The following NDRG1 variants were observed in gnomAD, a reference collection of about 807,000 sequenced individuals.
NDRG1 encodes protein NDRG1.
In NDRG1, 32 loss-of-function variants were observed where a neutral mutation model predicts 56.9. That is an observed-to-expected ratio of 0.56 (90% CI 0.42 to 0.76). The LOEUF (loss-of-function observed/expected upper bound fraction) is 0.76, where lower values mean the gene tolerates loss of function less well. NDRG1 is among the 30% of genes least tolerant of loss of function. The probability of loss-of-function intolerance (pLI) is 0.00; values close to 1 mark genes in which losing one functional copy is unlikely to be tolerated. For missense variants in NDRG1, 507 were observed against 545.7 expected (o/e 0.93, Z 0.71); for synonymous variants, 211 against 204.1 (o/e 1.03, Z -0.29).
intron 1 of NDRG1, among the ~76,000 whole-genome samples, chr8:133,290,345 A>G (rs1858362744): frequency 6.6e-6 from 1 of 152,144 alleles, no homozygotes; most frequent in Admixed American, 6.5e-5. Flanking sequence ...CAGCACCAGG[A>G]ACAGTATCTG....
chr8:133,249,134 G>A (rs1043585495), intron 10 of NDRG1, among the ~76,000 whole-genome samples: 1 of 152,100 alleles, frequency 6.6e-6, no homozygotes, highest in Non-Finnish European at 1.5e-5. Flanking sequence ...AAATGCTCTC[G>A]CAGCCTCTTA....
At chr8:133,249,279 G>A (rs978392886) in intron 10 of NDRG1, 1 of 211,298 alleles carries the variant, frequency 4.7e-6, no homozygotes. Flanking sequence ...GTGAGGCCCA[G>A]TGTGGGTCCA....
intron 9 of NDRG1, 99 bp from the exon 10 acceptor site, chr8:133,250,642 GATA>G (rs2130699273): frequency 2.9e-6 from 3 of 1,026,076 alleles, no homozygotes; most frequent in Non-Finnish European, 4.6e-6. Context: ...ACAAAGTAAA[GATA>G]ATAATGCCTA....
intron 9 of NDRG1, among the ~76,000 whole-genome samples, chr8:133,253,262 G>C (rs1251852563): frequency 6.6e-6 from 1 of 152,198 alleles, no homozygotes; most frequent in Non-Finnish European, 1.5e-5. Flanking sequence ...CCCCTTTAGT[G>C]GGGTAACTCT....
chr8:133,250,591 G>T, intron 9 of NDRG1, 48 bp from the exon 10 acceptor site: 1 of 1,471,360 alleles, frequency 6.8e-7, no homozygotes, highest in Non-Finnish European at 9.5e-7. Flanking sequence ...CTGTGGCCCT[G>T]AGCTGGTCAC....
intron 3 of NDRG1, among the ~76,000 whole-genome samples, chr8:133,272,074 C>A (rs1015111602): frequency 6.6e-6 from 1 of 152,190 alleles, no homozygotes; most frequent in East Asian, 1.9e-4. Context: ...AATGGAAGAC[C>A]TTCAAGAGGT....
intron 3 of NDRG1, among the ~76,000 whole-genome samples, chr8:133,278,225 T>G (rs1399688509): frequency 6.6e-6 from 1 of 152,172 alleles, no homozygotes; most frequent in Non-Finnish European, 1.5e-5. Context: ...GCCATGGTGC[T>G]GGTGCCACAG....
At chr8:133,249,466 G>T (rs1370335682) in intron 10 of NDRG1, 1 of 155,550 alleles carries the variant, frequency 6.4e-6, no homozygotes, top group African/African-American at 2.4e-5. Flanking sequence ...ATCTCTTTGC[G>T]CCTTTGCTTC....
At chr8:133,252,540 T>A (rs1564285474) in intron 9 of NDRG1, among the ~76,000 whole-genome samples, 2 of 151,558 alleles carry the variant, frequency 1.3e-5, no homozygotes, top group Non-Finnish European at 2.9e-5. Flanking sequence ...AACTCCAGAG[T>A]GGGGTCTCTG....
rs760921567 is a variant in NDRG1 at position 133,256,858 on chromosome 8, G to C, written c.456C>G (p.Asn152Lys). Residue 152 changes from asparagine (N) to lysine (K), a missense_variant, in exon 8 of 16, where the codon AAC (asparagine) becomes AAG (lysine). Asn to Lys is a moderately conservative substitution (Grantham distance 94). Transcript: ENST00000323851. ...GAYILTRFAL[N>K]NPEMVEGLVL... The stretch of plus-strand genomic sequence containing the variant: ...CAAGGCCCTCCACCATCTCAGGGTT[G>C]TTTAGCTGCAATTCAAGACACAAAG... 2.5e-6 allele frequency: 4 copies of C among 1,614,030 alleles called. No homozygotes were observed. The Admixed American group carries it at 5.0e-5, about 20-fold the overall frequency.
intron 14 of NDRG1, among the ~76,000 whole-genome samples, chr8:133,244,013 C>T (rs1855527465): frequency 6.6e-6 from 1 of 152,194 alleles, no homozygotes; most frequent in African/African-American, 2.4e-5. Context: ...GGCTTAATCT[C>T]CTCCATGTCC....
intron 7 of NDRG1, among the ~76,000 whole-genome samples, chr8:133,257,114 G>C (rs1048236772): frequency 6.6e-6 from 1 of 152,210 alleles, no homozygotes; most frequent in African/African-American, 2.4e-5. Flanking sequence ...CTGCTTTGCA[G>C]GCCTGCCTTG....
At chr8:133,293,328 G>A (rs79339504) in intron 1 of NDRG1, among the ~76,000 whole-genome samples, 1,692 of 152,336 alleles carry the variant, frequency 0.011, 9 homozygotes, top group South Asian at 0.025. Context: ...ACAACAGCCT[G>A]GGGTGGATCC....
intron 14 of NDRG1, among the ~76,000 whole-genome samples, chr8:133,244,059 C>T (rs1385804714): frequency 6.6e-6 from 1 of 152,178 alleles, no homozygotes; most frequent in East Asian, 1.9e-4. Context: ...CGGCCCTTCA[C>T]TCCAGCAGAA....
intron 3 of NDRG1, among the ~76,000 whole-genome samples, chr8:133,279,590 A>AC (rs1407935939): frequency 6.6e-6 from 1 of 152,052 alleles, no homozygotes; most frequent in African/African-American, 2.4e-5. Context: ...CTTCAAGGAG[A>AC]CCACAAGCTC....
At chr8:133,267,655 T>C (rs772376125) in intron 3 of NDRG1, among the ~76,000 whole-genome samples, 25 of 152,182 alleles carry the variant, frequency 1.6e-4, no homozygotes, top group Non-Finnish European at 7.3e-5. Flanking sequence ...TGGGGGCACA[T>C]TCTTCATTGT....
intron 7 of NDRG1, among the ~76,000 whole-genome samples, chr8:133,257,527 A>G (rs1414309960): frequency 1.3e-5 from 2 of 152,144 alleles, no homozygotes; most frequent in African/African-American, 4.8e-5. Context: ...GCTACCCAAT[A>G]CTGCAGGGAA....
chr8:133,250,967 G>A (rs773248229), intron 9 of NDRG1, among the ~76,000 whole-genome samples: 9 of 151,448 alleles, frequency 5.9e-5, no homozygotes, highest in Non-Finnish European at 1.3e-4. Context: ...CTAGGTTGTA[G>A]GACTTAATGG....
rs1200840994 is a variant in NDRG1 at position 133,244,400 on chromosome 8, A to G, written c.856-10T>C. 2 of 1,614,072 alleles carry G rather than the reference A, an allele frequency of 1.2e-6. No homozygotes were observed. Among genetic ancestry groups the G allele is most frequent in the African/African-American group, 1.3e-5 (1 of 74,922 alleles). On this transcript the variant is annotated splice_polypyrimidine_tract_variant and intron_variant, in intron 13 of 15. Coordinates refer to ENST00000323851, the MANE Select transcript of NDRG1 (RefSeq NM_006096.4). The stretch of plus-strand genomic sequence containing the variant: ...CGCCACAGTCCGCCATCTAGGAGAG[A>G]GGGAAGCTCGTTAGTGCCAAACACC...
Sources: allele counts gnomAD v4.1 joint callset (sites outside exome capture counted in the v4.1 genomes callset), GRCh38; gene constraint gnomAD v4.1.1; transcripts MANE v1.5; gene names NCBI Gene and HGNC (gene_info 2026-07-23, HGNC 2026-07-21).